The following TC2N variants were observed in gnomAD, a reference collection of about 807,000 sequenced individuals.
TC2N encodes tandem C2 domains, nuclear.
TC2N carries 51 observed loss-of-function variants against 61.9 expected under a neutral mutation model. That is an observed-to-expected ratio of 0.82 (90% CI 0.66 to 1.04). The LOEUF is 1.04. Among genes scored for constraint, TC2N ranks in the 50% least tolerant of loss-of-function variants. The probability of loss-of-function intolerance (pLI) is 0.00; values close to 1 mark genes in which losing one functional copy is unlikely to be tolerated. For missense variants in TC2N, 556 were observed against 566.7 expected (o/e 0.98, Z 0.19); for synonymous variants, 204 against 192.6 (o/e 1.06, Z -0.49).
At chr14:91,849,743 T>C (rs1465345722) in intron 1 of TC2N, among the ~76,000 whole-genome samples, 2 of 152,196 alleles carry the variant, frequency 1.3e-5, no homozygotes, top group African/African-American at 4.8e-5. Context: ...TATTTGTTTA[T>C]GGCATTAAAG....
chr14:91,842,027 T>C (rs1355272262), intron 1 of TC2N, among the ~76,000 whole-genome samples: 3 of 144,604 alleles, frequency 2.1e-5, no homozygotes, highest in African/African-American at 7.6e-5. Context: ...GGTGCGATCA[T>C]GGCTCACTCC....
intron 1 of TC2N, among the ~76,000 whole-genome samples, chr14:91,841,708 C>T (rs1159656630): frequency 6.6e-6 from 1 of 152,146 alleles, no homozygotes; most frequent in Non-Finnish European, 1.5e-5. Context: ...GTGCGGCTTC[C>T]TAGAATCATT....
At chr14:91,844,760 CAAAAAAA>C (rs34223127) in intron 1 of TC2N, among the ~76,000 whole-genome samples, 2 of 92,544 alleles carry the variant, frequency 2.2e-5, no homozygotes, top group Non-Finnish European at 4.1e-5. Flanking sequence ...GACTCTGTCT[CAAAAAAA>C]AAAAAAAAAA....
chr14:91,861,829 G>C (rs1053566507), intron 1 of TC2N, among the ~76,000 whole-genome samples: 2 of 152,304 alleles, frequency 1.3e-5, no homozygotes, highest in East Asian at 3.9e-4. Context: ...GATCGCTTGA[G>C]CCTGGAAGGT....
At chr14:91,821,451 C>CAA (rs569310881) in intron 1 of TC2N, among the ~76,000 whole-genome samples, 1 of 144,730 alleles carries the variant, frequency 6.9e-6, no homozygotes, top group Admixed American at 6.9e-5. Context: ...GCCCTTCCCA[C>CAA]AAAAAAAAAA....
At chr14:91,795,589 TTTAAA>T (rs1443864298) in intron 8 of TC2N, among the ~76,000 whole-genome samples, 3 of 152,156 alleles carry the variant, frequency 2.0e-5, no homozygotes, top group Non-Finnish European at 4.4e-5. Context: ...AATAAAGTAT[TTTAAA>T]TTAAAGTATG....
intron 3 of TC2N, among the ~76,000 whole-genome samples, chr14:91,806,666 T>C (rs1304161543): frequency 2.0e-5 from 3 of 152,142 alleles, no homozygotes; most frequent in Admixed American, 1.3e-4. Context: ...AGAGGTGACC[T>C]GGCTGCTGTT....
intron 1 of TC2N, among the ~76,000 whole-genome samples, chr14:91,823,739 CAT>C (rs764612070): frequency 3.9e-5 from 6 of 152,074 alleles, no homozygotes; most frequent in Non-Finnish European, 8.8e-5. Flanking sequence ...TACATAGCCA[CAT>C]GTTTGCTTTT....
intron 1 of TC2N, among the ~76,000 whole-genome samples, chr14:91,854,508 TGGAGGAGGA>T (rs111798033): frequency 9.5e-5 from 9 of 95,042 alleles, no homozygotes; most frequent in Non-Finnish European, 1.0e-4. Flanking sequence ...GAGAAGGAGG[TGGAGGAGGA>T]GGAGGAGGAG....
intron 1 of TC2N, among the ~76,000 whole-genome samples, chr14:91,823,694 G>T (rs1003972728): frequency 4.0e-5 from 6 of 151,828 alleles, no homozygotes; most frequent in African/African-American, 7.3e-5. Flanking sequence ...AGAAGGGCAG[G>T]ACCAGTCAGG....
intron 1 of TC2N, among the ~76,000 whole-genome samples, chr14:91,862,968 T>C (rs557280978): frequency 1.3e-5 from 2 of 152,336 alleles, no homozygotes; most frequent in South Asian, 2.1e-4. Flanking sequence ...TGACTAATTA[T>C]GGTTTTACTG....
chr14:91,800,180 C>CA (rs1886149984), intron 5 of TC2N, 101 bp downstream of exon 5: 3 of 595,500 alleles, frequency 5.0e-6, no homozygotes, highest in African/African-American at 1.9e-5. Flanking sequence ...GATACATCTA[C>CA]AAAAAATATA....
intron 1 of TC2N, among the ~76,000 whole-genome samples, chr14:91,849,122 G>A (rs1888324330): frequency 6.6e-6 from 1 of 152,180 alleles, no homozygotes; most frequent in South Asian, 2.1e-4. Flanking sequence ...TGAATTAAGT[G>A]TAGGAGACTC....
At chr14:91,792,228 T>C (rs895047498) in intron 9 of TC2N, 139 bp downstream of exon 9, 1 of 444,608 alleles carries the variant, frequency 2.2e-6, no homozygotes, top group South Asian at 9.9e-5. Flanking sequence ...TTCTAAATAT[T>C]TGAAAATAAT....
chr14:91,848,914 C>G (rs1197613233), intron 1 of TC2N, among the ~76,000 whole-genome samples: 1 of 152,172 alleles, frequency 6.6e-6, no homozygotes, highest in Non-Finnish European at 1.5e-5. Context: ...TCTGCAAATC[C>G]TGCCTTCCTT....
intron 9 of TC2N, among the ~76,000 whole-genome samples, chr14:91,790,492 T>C (rs1262987352): frequency 6.6e-6 from 1 of 152,204 alleles, no homozygotes; most frequent in African/African-American, 2.4e-5. Flanking sequence ...CACTCTTCTT[T>C]CAGGTTATCA....
At chr14:91,797,397 A>G (rs1885950794) in intron 8 of TC2N, among the ~76,000 whole-genome samples, 1 of 152,050 alleles carries the variant, frequency 6.6e-6, no homozygotes, top group East Asian at 1.9e-4. Flanking sequence ...ACTCAGGATC[A>G]TAAGTCTTTC....
At chr14:91,813,301 T>C (rs1886861887) in intron 2 of TC2N, among the ~76,000 whole-genome samples, 1 of 151,800 alleles carries the variant, frequency 6.6e-6, no homozygotes, top group Non-Finnish European at 1.5e-5. Context: ...ATATTGTAGA[T>C]TGTCTTTATT....
In TC2N at chr14:91,817,719, T is replaced by C. The variant is rs542681816; in HGVS notation, c.-56-3894A>G. Among the ~76,000 whole-genome samples the C allele has an allele frequency of 2.0e-5, 3 of 152,194 alleles. No homozygotes were observed. The South Asian group carries it at 6.2e-4, about 31-fold the overall frequency. On this transcript the variant is annotated intron_variant, in intron 1 of 11. Transcript: ENST00000435962. ...CATGACAGGAATGTGGTAGAATTGGTTAAAAATGACTGCTACTTCAGGGGG... is the reference window on the plus strand; with the variant it reads ...CATGACAGGAATGTGGTAGAATTGGCTAAAAATGACTGCTACTTCAGGGGG...
Sources: allele counts gnomAD v4.1 joint callset (sites outside exome capture counted in the v4.1 genomes callset), GRCh38; gene constraint gnomAD v4.1.1; transcripts MANE v1.5; gene names NCBI Gene and HGNC (gene_info 2026-07-23, HGNC 2026-07-21).